The following ACTL8 variants were observed in gnomAD, a reference collection of about 807,000 sequenced individuals.
The protein encoded by ACTL8 is actin-like protein 8.
ACTL8 carries 3 observed loss-of-function variants against 9.3 expected under a neutral mutation model. The ratio of observed to expected loss-of-function variants is 0.32; its 90% CI spans 0.15 to 0.83. The LOEUF (loss-of-function observed/expected upper bound fraction) is 0.83, where lower values mean the gene tolerates loss of function less well. ACTL8 is among the 40% of genes least tolerant of loss of function. The probability of loss-of-function intolerance (pLI) is 0.57; values close to 1 mark genes in which losing one functional copy is unlikely to be tolerated. For synonymous variants in ACTL8, 224 were observed against 205.9 expected (o/e 1.09, Z -0.75); for missense variants, 381 against 492.2 (o/e 0.77, Z 2.14).
chr1:17,799,748 A>G (rs564502004), intron 1 of ACTL8, among the ~76,000 whole-genome samples: 18 of 152,166 alleles, frequency 1.2e-4, no homozygotes, highest in African/African-American at 3.1e-4. Flanking sequence ...TCTTTAATCC[A>G]TCTGGGTTCT....
chr1:17,794,385 A>G (rs151279085), intron 1 of ACTL8, among the ~76,000 whole-genome samples: 5 of 152,346 alleles, frequency 3.3e-5, no homozygotes, highest in Admixed American at 2.0e-4. Flanking sequence ...AATACATTGT[A>G]TACCATAAGA....
At chr1:17,777,580 G>A (rs2066126682) in intron 1 of ACTL8, among the ~76,000 whole-genome samples, 1 of 152,212 alleles carries the variant, frequency 6.6e-6, no homozygotes. Context: ...ATGGTGTGGA[G>A]CCATTCCAGG....
intron 1 of ACTL8, among the ~76,000 whole-genome samples, chr1:17,772,146 T>C (rs1243081359): frequency 6.6e-6 from 1 of 152,212 alleles, no homozygotes; most frequent in Non-Finnish European, 1.5e-5. Flanking sequence ...ACCTAGTGTT[T>C]CTAGGGGAAA....
At chr1:17,757,199 C>A (rs1262569010) in intron 1 of ACTL8, among the ~76,000 whole-genome samples, 2 of 152,128 alleles carry the variant, frequency 1.3e-5, no homozygotes, top group Non-Finnish European at 1.5e-5. Context: ...AAGCCCAGGT[C>A]CATTAACTCT....
At chr1:17,825,705 T>G (rs2053709484) in intron 2 of ACTL8, 62 bp from the exon 3 acceptor site, 10 of 1,562,790 alleles carry the variant, frequency 6.4e-6, no homozygotes, top group Non-Finnish European at 8.6e-6. Flanking sequence ...TGTGCTGACT[T>G]CAGCTTTGAC....
chr1:17,805,377 CTT>C (rs56870755), intron 1 of ACTL8, among the ~76,000 whole-genome samples: 80 of 100,162 alleles, frequency 8.0e-4, no homozygotes, highest in Middle Eastern at 6.3e-3. Context: ...TTTTCTTTTT[CTT>C]TTTTTTTTTT....
intron 1 of ACTL8, among the ~76,000 whole-genome samples, chr1:17,770,546 A>G (rs1201538093): frequency 6.6e-6 from 1 of 152,214 alleles, no homozygotes; most frequent in Non-Finnish European, 1.5e-5. Flanking sequence ...TTTAGTATCC[A>G]GAGAGCAGTG....
intron 1 of ACTL8, among the ~76,000 whole-genome samples, chr1:17,798,743 C>G (rs1287978007): frequency 6.6e-6 from 1 of 152,180 alleles, no homozygotes; most frequent in Non-Finnish European, 1.5e-5. Context: ...GCCAAGGACC[C>G]TCTCTGGTTT....
chr1:17,824,092 C>A (rs575890370), intron 2 of ACTL8, among the ~76,000 whole-genome samples: 3 of 152,084 alleles, frequency 2.0e-5, no homozygotes, highest in Admixed American at 2.0e-4. Flanking sequence ...GGAAGGGCTT[C>A]TCTGACGGAG....
intron 1 of ACTL8, among the ~76,000 whole-genome samples, chr1:17,808,315 C>CT (rs1404296285): frequency 6.6e-6 from 1 of 152,222 alleles, no homozygotes; most frequent in Non-Finnish European, 1.5e-5. Flanking sequence ...AGTGAACACA[C>CT]TAAGGCCTCT....
intron 1 of ACTL8, among the ~76,000 whole-genome samples, chr1:17,791,556 G>A (rs999354202): frequency 6.6e-6 from 1 of 152,210 alleles, no homozygotes; most frequent in African/African-American, 2.4e-5. Context: ...GTGGCTCTGA[G>A]GTCTGCATCG....
intron 2 of ACTL8, among the ~76,000 whole-genome samples, chr1:17,825,551 C>T (rs1198538232): frequency 1.3e-5 from 2 of 152,198 alleles, no homozygotes; most frequent in Non-Finnish European, 2.9e-5. Flanking sequence ...TTCTGAACAG[C>T]CACGACCAGA....
intron 1 of ACTL8, among the ~76,000 whole-genome samples, chr1:17,816,364 G>T (rs2066426124): frequency 6.6e-6 from 1 of 151,942 alleles, no homozygotes; most frequent in African/African-American, 2.4e-5. Flanking sequence ...ACCACATCTG[G>T]CTAATTTTTT....
rs2124198583 is a variant in ACTL8, at chr1:17,826,081, C to T, written c.663C>T (p.Ala221=). ...ACGTGCCGCAGAATCTGGGGGAGGCCCTGGACTTTCGTGAGAGGCAGCAGA... is the reference window on the plus strand; with the variant it reads ...ACGTGCCGCAGAATCTGGGGGAGGCTCTGGACTTTCGTGAGAGGCAGCAGA... The part of the protein sequence containing the change: ...KCYVPQNLGE[A]LDFRERQQSA... Residue 221 remains alanine, a synonymous_variant, in exon 3 of 3, where the codon GCC becomes GCT. Transcript: ENST00000375406. The surrounding 1 kb of genome is among the most constrained non-coding windows in gnomAD (Gnocchi z 4.5). 6.2e-7 allele frequency: 1 copy of T among 1,608,156 alleles called. No homozygotes were observed. Among genetic ancestry groups the T allele is most frequent in the Non-Finnish European group, 8.5e-7 (1 of 1,179,790 alleles).
At chr1:17,803,643 C>A (rs905594362) in intron 1 of ACTL8, among the ~76,000 whole-genome samples, 3 of 152,148 alleles carry the variant, frequency 2.0e-5, no homozygotes, top group Non-Finnish European at 4.4e-5. Context: ...TGGATATGTC[C>A]TTATTTAGCA....
chr1:17,815,381 A>G (rs1489925361), intron 1 of ACTL8, among the ~76,000 whole-genome samples: 2 of 152,192 alleles, frequency 1.3e-5, no homozygotes, highest in Admixed American at 6.5e-5. Context: ...TCATCTAAGA[A>G]TGTCTTAACT....
intron 1 of ACTL8, among the ~76,000 whole-genome samples, chr1:17,816,200 C>CTTTTTTTTTTTTT (rs34383884): frequency 7.9e-5 from 11 of 139,614 alleles, no homozygotes; most frequent in African/African-American, 2.7e-4. Context: ...ATATTAATAG[C>CTTTTTTTTTTTTT]TTTTTTTTTT....
At chr1:17,804,464 A>G (rs2066343529) in intron 1 of ACTL8, among the ~76,000 whole-genome samples, 1 of 152,124 alleles carries the variant, frequency 6.6e-6, no homozygotes, top group Admixed American at 6.5e-5. Flanking sequence ...ACAGGCTGAC[A>G]TGGGGAAAGG....
intron 1 of ACTL8, among the ~76,000 whole-genome samples, chr1:17,792,983 A>G (rs260525): frequency 0.78 from 118,784 of 152,062 alleles, 47,420 homozygotes; most frequent in East Asian, 0.95. Flanking sequence ...ATTTTTTGGG[A>G]ACCAAAGGCT....
Sources: allele counts gnomAD v4.1 joint callset (sites outside exome capture counted in the v4.1 genomes callset), GRCh38; gene constraint gnomAD v4.1.1; non-coding constraint Gnocchi (gnomAD v3.1); transcripts MANE v1.5; gene names NCBI Gene and HGNC (gene_info 2026-07-23, HGNC 2026-07-21).